Variants in FOXN3 observed in about 807,000 individuals in gnomAD.
FOXN3 encodes forkhead box protein N3.
Under a neutral mutation model 38.4 loss-of-function variants are expected in FOXN3, and 7 were observed. The ratio of observed to expected loss-of-function variants is 0.18; its 90% confidence interval spans 0.10 to 0.34. The LOEUF is 0.34. FOXN3 is among the 10% of genes least tolerant of loss of function. FOXN3 has a pLI of 1.00. For missense variants in FOXN3, 456 were observed against 613.4 expected (o/e 0.74, Z 2.71); for synonymous variants, 230 against 242.2 (o/e 0.95, Z 0.47).
intron 1 of FOXN3, among the ~76,000 whole-genome samples, chr14:89,438,821 T>C (rs1015931911): frequency 3.9e-5 from 6 of 152,024 alleles, no homozygotes; most frequent in African/African-American, 1.4e-4. Context: ...TAGAGTGCAA[T>C]GGCGCAATCT....
At chr14:89,347,875 A>G (rs1313639366) in intron 3 of FOXN3, among the ~76,000 whole-genome samples, 1 of 151,878 alleles carries the variant, frequency 6.6e-6, no homozygotes, top group Non-Finnish European at 1.5e-5. Flanking sequence ...AATCCCTTGA[A>G]CCCAGGAGGC....
At chr14:89,256,551 G>T (rs1448786354) in intron 4 of FOXN3, among the ~76,000 whole-genome samples, 1 of 152,186 alleles carries the variant, frequency 6.6e-6, no homozygotes, top group Non-Finnish European at 1.5e-5. Flanking sequence ...CGCTATTGCT[G>T]TCCCGGCCGT....
At chr14:89,533,524 A>C (rs550362237) in intron 1 of FOXN3, among the ~76,000 whole-genome samples, 1 of 152,104 alleles carries the variant, frequency 6.6e-6, no homozygotes, top group Admixed American at 6.6e-5. Flanking sequence ...TTAGCCGGGC[A>C]TGGTGGCGGG....
At chr14:89,229,281 A>G (rs1884732326) in intron 4 of FOXN3, among the ~76,000 whole-genome samples, 1 of 152,258 alleles carries the variant, frequency 6.6e-6, no homozygotes, top group South Asian at 2.1e-4. Flanking sequence ...ATTCAGACTT[A>G]GTCAAAGATT....
At chr14:89,413,054 G>A (rs1013960126) in intron 1 of FOXN3, among the ~76,000 whole-genome samples, 9 of 151,868 alleles carry the variant, frequency 5.9e-5, no homozygotes, top group East Asian at 1.9e-4. Context: ...CCTCCACCCC[G>A]ACCCACCACC....
chr14:89,209,458 G>A (rs1888466823), intron 4 of FOXN3, among the ~76,000 whole-genome samples: 1 of 152,166 alleles, frequency 6.6e-6, no homozygotes, highest in African/African-American at 2.4e-5. Context: ...ATTCCAAAGT[G>A]TGACATAAAC....
intron 3 of FOXN3, among the ~76,000 whole-genome samples, chr14:89,349,988 T>A (rs1888903473): frequency 6.6e-6 from 1 of 152,280 alleles, no homozygotes; most frequent in South Asian, 2.1e-4. Flanking sequence ...TCATAAAAAT[T>A]GATCTTAAAA....
At chr14:89,467,040 C>T (rs954563401) in intron 1 of FOXN3, among the ~76,000 whole-genome samples, 3 of 152,298 alleles carry the variant, frequency 2.0e-5, no homozygotes, top group African/African-American at 4.8e-5. Flanking sequence ...CACTGTTGGG[C>T]GATGGTAATA....
At chr14:89,377,661 A>C (rs1241275745) in intron 2 of FOXN3, among the ~76,000 whole-genome samples, 1 of 152,276 alleles carries the variant, frequency 6.6e-6, no homozygotes, top group Non-Finnish European at 1.5e-5. Flanking sequence ...AGAAAGAAGC[A>C]GAAGATAAAT....
intron 2 of FOXN3, among the ~76,000 whole-genome samples, chr14:89,398,882 G>A (rs994093564): frequency 1.3e-5 from 2 of 152,222 alleles, no homozygotes; most frequent in Non-Finnish European, 2.9e-5. Context: ...CTACTCGGGA[G>A]GCTAAGCAGG....
At chr14:89,303,331 G>C (rs1305450196) in intron 3 of FOXN3, among the ~76,000 whole-genome samples, 1 of 151,930 alleles carries the variant, frequency 6.6e-6, no homozygotes, top group African/African-American at 2.4e-5. Context: ...TCCATGCTGA[G>C]AGCAGATCCT....
intron 1 of FOXN3, among the ~76,000 whole-genome samples, chr14:89,453,122 C>T (rs1392953612): frequency 1.3e-5 from 2 of 152,018 alleles, no homozygotes; most frequent in Non-Finnish European, 2.9e-5. Context: ...TCACTTGAAC[C>T]TGGGAGGCAG....
intron 3 of FOXN3, among the ~76,000 whole-genome samples, chr14:89,297,582 CAT>C (rs1172004654): frequency 6.9e-6 from 1 of 145,490 alleles, no homozygotes; most frequent in Non-Finnish European, 1.5e-5. Context: ...AAAAATTAAA[CAT>C]AGGAATGCCA....
intron 3 of FOXN3, among the ~76,000 whole-genome samples, chr14:89,294,747 T>A (rs1463719827): frequency 6.6e-6 from 1 of 152,192 alleles, no homozygotes; most frequent in Non-Finnish European, 1.5e-5. Flanking sequence ...AGTTACCCTA[T>A]ATGGTCTAAA....
At chr14:89,220,781 T>C (rs1353280466) in intron 4 of FOXN3, among the ~76,000 whole-genome samples, 1 of 152,152 alleles carries the variant, frequency 6.6e-6, no homozygotes, top group Non-Finnish European at 1.5e-5. Context: ...TGTTAATACA[T>C]GCTTTGAAAG....
chr14:89,439,906 G>A (rs984402561), intron 1 of FOXN3, among the ~76,000 whole-genome samples: 11 of 151,902 alleles, frequency 7.2e-5, no homozygotes, highest in Admixed American at 3.3e-4. Context: ...CACCCGCCTC[G>A]GCCTCCCAAA....
In FOXN3 at chr14:89,538,893, G is replaced by A. The variant is rs1300489612; in HGVS notation, c.-15+80135C>T. On this transcript the variant is annotated intron_variant, in intron 1 of 6. Coordinates refer to the FOXN3 transcript ENST00000345097. ...GAGTCTCACTCTGTCGCCCCGGCTGGAGTGCAGTGGTGCGATCTCCGCTCA... is the reference window on the plus strand; with the variant it reads ...GAGTCTCACTCTGTCGCCCCGGCTGAAGTGCAGTGGTGCGATCTCCGCTCA... 3.3e-5 allele frequency among the ~76,000 whole-genome samples: 5 copies of A among 151,854 alleles called. No homozygotes were observed. In the East Asian group the frequency reaches 9.7e-4, roughly 29 times the overall value.
intron 4 of FOXN3, among the ~76,000 whole-genome samples, chr14:89,238,674 T>C (rs1885050007): frequency 6.6e-6 from 1 of 152,208 alleles, no homozygotes; most frequent in African/African-American, 2.4e-5. Flanking sequence ...AAGCAACTAG[T>C]ACATATTGGA....
intron 1 of FOXN3, among the ~76,000 whole-genome samples, chr14:89,549,285 A>AG (rs1894951658): frequency 6.6e-6 from 1 of 151,884 alleles, no homozygotes; most frequent in African/African-American, 2.4e-5. Flanking sequence ...AAAAAAAAAA[A>AG]AAAAAGAACA....
Sources: allele counts gnomAD v4.1 joint callset (sites outside exome capture counted in the v4.1 genomes callset), GRCh38; gene constraint gnomAD v4.1.1; transcripts MANE v1.5; gene names NCBI Gene and HGNC (gene_info 2026-07-23, HGNC 2026-07-21).